TSC2: variants seen among roughly 807,000 people sequenced by gnomAD.
TSC2 encodes TSC complex subunit 2.
A neutral mutation model predicts 202.2 loss-of-function variants in TSC2; 29 were observed. That is an observed-to-expected ratio of 0.14 (90% CI 0.11 to 0.20). TSC2 has a LOEUF of 0.20. Ranked by LOEUF, TSC2 falls within the 10% of genes least tolerant of loss-of-function variation. TSC2 has a pLI of 1.00. For synonymous variants in TSC2, 1,349 were observed against 1,044.0 expected (o/e 1.29, Z -5.63); for missense variants, 2,429 against 2,420.0 (o/e 1.00, Z -0.08).
intron 17 of TSC2, chr16:2,071,245 C>T (rs1596340642): frequency 1.8e-6 from 1 of 559,710 alleles, no homozygotes. Context: ...CCCATCCCTT[C>T]CATCCCAGGC....
intron 29 of TSC2, 152 bp from the exon 30 acceptor site, chr16:2,080,013 A>C (rs1333575610): frequency 1.9e-6 from 2 of 1,066,746 alleles, no homozygotes; most frequent in Non-Finnish European, 2.8e-6. Context: ...TGAGGCCAGC[A>C]CTGTGGTGGG....
At chr16:2,075,687 CCTT>C in intron 22 of TSC2, 109 bp from the exon 23 acceptor site, 1 of 1,162,656 alleles carries the variant, frequency 8.6e-7, no homozygotes, top group Non-Finnish European at 1.3e-6. Context: ...GTGGCCGTGG[CCTT>C]CTCTCCTCTG....
In TSC2 at chr16:2,083,781, C is replaced by T. The variant is rs549060036; in HGVS notation, c.3970C>T (p.Leu1324=). The change falls in exon 33 of 42, where the codon CTA becomes TTA. Residue 1324 remains leucine, a synonymous_variant. Coordinates refer to ENST00000219476, the MANE Select transcript of TSC2 (RefSeq NM_000548.5). ...PPGLEDVEAA[L]GMDRRTDAYS... ...AGGGTTGGAGGACGTTGAGGCAGCGCTAGGCATGGACAGGCGCACGGATGC... is the reference window on the plus strand; with the variant it reads ...AGGGTTGGAGGACGTTGAGGCAGCGTTAGGCATGGACAGGCGCACGGATGC... 1.9e-6 allele frequency: 3 copies of T among 1,611,514 alleles called. No individual in the cohort carries two copies. Among genetic ancestry groups the T allele is most frequent in the Middle Eastern group, 1.7e-4 (1 of 6,038 alleles).
rs529080350 is a variant in TSC2, at chr16:2,074,499, G to A, written c.2545+110G>A. The A allele has an allele frequency of 3.6e-5, 48 of 1,337,958 alleles. No individual in the cohort carries two copies. The Admixed American group carries it at 7.1e-4, about 20-fold the overall frequency. The allele number at this position is 1,337,958 out of a possible 1,614,324, so 82.9% of individuals were successfully genotyped here. A position where few individuals can be genotyped will look rare whatever the true frequency, so the allele number is the denominator to read the frequency against. ...ACTCCTTGGGGAACCTGGGTGTCTC[G>A]CCTTCTGCTGCCTCAGGGCCTGGGC... On this transcript the variant is annotated intron_variant, in intron 22 of 41. Transcript: ENST00000219476.
chr16:2,087,858 G>A lies in TSC2; in HGVS notation c.4990-5G>A, dbSNP rs753000765. The stretch of plus-strand genomic sequence containing the variant: ...CGGGGATGACCCTTTCTCTTGTCCG[G>A]GCAGGGCCAGTTCAACTTTGTCCAC... On this transcript the variant is annotated splice_polypyrimidine_tract_variant and splice_region_variant and intron_variant, in intron 38 of 41. Transcript: ENST00000219476. 1.2e-6 allele frequency: 2 copies of A among 1,612,490 alleles called. No individual in the cohort carries two copies. The highest frequency in any genetic ancestry group is 2.2e-5 in the South Asian group (2 of 91,036).
At chr16:2,061,135 G>A (rs914969640) in intron 11 of TSC2, 8 of 421,846 alleles carry the variant, frequency 1.9e-5, no homozygotes, top group Non-Finnish European at 3.6e-5. Context: ...TTCCCAGAGG[G>A]ATGCCAGTGT....
At chr16:2,050,040 C>T (rs796246338) in intron 2 of TSC2, among the ~76,000 whole-genome samples, 16 of 150,986 alleles carry the variant, frequency 1.1e-4, no homozygotes, top group African/African-American at 3.9e-4. Flanking sequence ...ACTGCAATCT[C>T]CGCCTCCTGG....
chr16:2,088,880 C>G lies in TSC2; in HGVS notation c.*270C>G, dbSNP rs562044040. ...TACAGCACACTCGCGCGTGCGCGCG[C>G]GCACACACACACACACACAGTCACC... is the stretch of plus-strand genomic sequence containing the variant. On this transcript the variant is annotated 3_prime_UTR_variant, in exon 42 of 42. Transcript: ENST00000219476. The G allele has an allele frequency of 2.1e-6, 1 of 474,018 alleles. No homozygotes were observed. Among genetic ancestry groups the G allele is most frequent in the Non-Finnish European group, 3.8e-6 (1 of 266,542 alleles). 29.4% of individuals were successfully genotyped at this position (474,018 alleles called of 1,614,324 possible).
chr16:2,055,565 A>G lies in TSC2; in HGVS notation c.599+46A>G, dbSNP rs2085686844. ...CTGTTCTGATAATGGTCCTAAGTTC[A>G]GCTCCGCAGTGAATAAAGTTGAAAC... On this transcript the variant is annotated intron_variant, in intron 6 of 41. Transcript: ENST00000219476. The G allele has an allele frequency of 1.9e-6, 3 of 1,559,970 alleles. No individual in the cohort carries two copies. The African/African-American group carries it at 4.1e-5, about 21-fold the overall frequency.
intron 30 of TSC2, 64 bp from the exon 31 acceptor site, chr16:2,081,515 AGGCCAGGAGGCCCCTG>A: frequency 6.3e-7 from 1 of 1,580,474 alleles, no homozygotes. Context: ...ACCAGGGCCC[AGGCCAGGAGGCCCCTG>A]GGGGGCCAGA....
At chr16:2,084,203 T>C in intron 33 of TSC2, 25 bp from the exon 34 acceptor site, 1 of 1,561,648 alleles carries the variant, frequency 6.4e-7, no homozygotes, top group Non-Finnish European at 8.7e-7. Flanking sequence ...CTGACAGGGG[T>C]TCTCTTTGGG....
chr16:2,072,372 G>C lies in TSC2; in HGVS notation c.2220+9G>C, dbSNP rs1433200235. ...CTGCTCTCTGCTCCATGGTACCATG[G>C]CCGGCCTGGGGTTGGGGTGGGGGAC... On this transcript the variant is annotated intron_variant, in intron 20 of 41. Coordinates refer to ENST00000219476, the MANE Select transcript of TSC2 (RefSeq NM_000548.5). 1 of 1,613,792 alleles carries C rather than the reference G, an allele frequency of 6.2e-7. No individual in the cohort carries two copies. The highest frequency in any genetic ancestry group is 8.5e-7 in the Non-Finnish European group (1 of 1,179,866).
rs2085894886 is a variant in TSC2 at position 2,056,743 on chromosome 16, A to G, written c.748A>G (p.Lys250Glu). The G allele has an allele frequency of 6.2e-7, 1 of 1,611,238 alleles. No homozygotes were observed. The highest frequency in any genetic ancestry group is 1.7e-5 in the Admixed American group (1 of 60,024). Reference sequence around the variant, plus strand: ...TACCCTCTGTCGCACCATCAACGTCAAGGAGCTCTGCGAGCCTTGCTGGAA... The same window carrying G: ...TACCCTCTGTCGCACCATCAACGTCGAGGAGCTCTGCGAGCCTTGCTGGAA... ...IVTLCRTINV[K>E]ELCEPCWKLM... is the part of the protein sequence containing the mutation. The change falls in exon 8 of 42, where the codon AAG becomes GAG. Residue 250 changes from lysine (K) to glutamate (E), a missense_variant. Transcript: ENST00000219476.
chr16:2,075,388 G>A (rs1223064917), intron 22 of TSC2: 6 of 208,598 alleles, frequency 2.9e-5, no homozygotes, highest in Admixed American at 5.3e-5. Context: ...CTAGCCAGGC[G>A]TGGTGGCGGG....
chr16:2,071,440 C>A, intron 17 of TSC2, 70 bp from the exon 18 acceptor site: 1 of 1,552,672 alleles, frequency 6.4e-7, no homozygotes, highest in Non-Finnish European at 8.8e-7. Context: ...TGGGTCTGAG[C>A]AGGTGGGACG....
chr16:2,081,571 C>A (rs954508555), intron 30 of TSC2, 24 bp from the exon 31 acceptor site: 2 of 1,612,714 alleles, frequency 1.2e-6, no homozygotes, highest in Non-Finnish European at 1.7e-6. Flanking sequence ...TGGCCTCAGG[C>A]CAAAGGTGCT....
chr16:2,073,218 CA>C (rs1442362350), intron 21 of TSC2, among the ~76,000 whole-genome samples: 10 of 152,190 alleles, frequency 6.6e-5, no homozygotes, highest in African/African-American at 1.2e-4. Flanking sequence ...CCACCCCGGA[CA>C]GCATCTCTGC....
chr16:2,088,822 C>T lies in TSC2; in HGVS notation c.*212C>T, dbSNP rs1039330269. On this transcript the variant is annotated 3_prime_UTR_variant, in exon 42 of 42. Coordinates refer to ENST00000219476, the MANE Select transcript of TSC2 (RefSeq NM_000548.5). ...AAGTGGTACACAGAAGCAGGCACAG[C>T]CAGCTCCGAGGGCCTTGAGGCTGCC... The T allele has an allele frequency of 3.0e-6, 2 of 668,060 alleles. No individual in the cohort carries two copies. Among genetic ancestry groups the T allele is most frequent in the Admixed American group, 3.0e-5 (1 of 33,768 alleles). The allele number at this position is 668,060 out of a possible 1,614,324, so 41.4% of individuals were successfully genotyped here. A position where few individuals can be genotyped will look rare whatever the true frequency, so the allele number is the denominator to read the frequency against.
At chr16:2,049,989 CTT>C (rs1795667437) in intron 2 of TSC2, among the ~76,000 whole-genome samples, 1 of 142,914 alleles carries the variant, frequency 7.0e-6, no homozygotes, top group Admixed American at 7.1e-5. Context: ...GAGTTTCGCT[CTT>C]GTCACCCAGG....
Sources: allele counts gnomAD v4.1 joint callset (sites outside exome capture counted in the v4.1 genomes callset), GRCh38; gene constraint gnomAD v4.1.1; transcripts MANE v1.5; gene names NCBI Gene and HGNC (gene_info 2026-07-23, HGNC 2026-07-21).